ZNF454: variants seen among roughly 807,000 people sequenced by gnomAD.
ZNF454 encodes the protein zinc finger protein 454.
A neutral mutation model predicts 48.2 loss-of-function variants in ZNF454; 30 were observed. That is an observed-to-expected ratio of 0.62 (90% confidence interval 0.47 to 0.84). ZNF454 has a LOEUF of 0.84. ZNF454 is among the 40% of genes least tolerant of loss of function. The pLI, the probability that ZNF454 is intolerant of heterozygous loss-of-function variation, is 0.00. For synonymous variants in ZNF454, 204 were observed against 211.4 expected, an observed-to-expected ratio of 0.97 and a Z score of 0.30; for missense variants, 510 against 623.1, an observed-to-expected ratio of 0.82 and a Z score of 1.93.
the ZNF454 span, among the ~76,000 whole-genome samples, chr5:178,976,870 C>T: frequency 6.6e-6 from 1 of 152,188 alleles, no homozygotes; most frequent in African/African-American, 2.4e-5. Flanking sequence ...GATGTTGATA[C>T]TACAGGTATA....
chr5:178,973,199 C>A, the ZNF454 span, among the ~76,000 whole-genome samples: 1 of 149,188 alleles, frequency 6.7e-6, no homozygotes, highest in African/African-American at 2.5e-5. Flanking sequence ...TTCCTTTCTT[C>A]TGTCAGCTGA....
At chr5:178,976,000 C>T in the ZNF454 span, 2 of 379,712 alleles carry the variant, frequency 5.3e-6, no homozygotes, top group African/African-American at 2.1e-5. Flanking sequence ...ACTCTGCTGC[C>T]TTCCTCACAT....
intron 4 of ZNF454, among the ~76,000 whole-genome samples, chr5:178,960,455 C>G (rs547116092): frequency 1.3e-5 from 2 of 151,372 alleles, no homozygotes; most frequent in African/African-American, 4.8e-5. Context: ...CGGGGTTTCT[C>G]CTTGGTCAGG....
the ZNF454 span, among the ~76,000 whole-genome samples, chr5:178,983,752 G>A: frequency 2.0e-5 from 3 of 152,208 alleles, no homozygotes; most frequent in African/African-American, 7.2e-5. Context: ...GTCTGTGCAG[G>A]CCCTCACAGG....
chr5:178,967,908 T>G (rs28579739), downstream of ZNF454, among the ~76,000 whole-genome samples: 3,213 of 151,680 alleles, frequency 0.021, 105 homozygotes, highest in African/African-American at 0.073. Flanking sequence ...CCCAGCTAAT[T>G]TTTTGTATTT....
At chr5:178,971,925 T>TTTTG in the ZNF454 span, among the ~76,000 whole-genome samples, 41 of 152,026 alleles carry the variant, frequency 2.7e-4, no homozygotes, top group South Asian at 1.2e-3. Context: ...AAGGTTTGTT[T>TTTTG]TTTGTTTGTT....
chr5:178,985,830 T>C, the ZNF454 span: 59 of 535,378 alleles, frequency 1.1e-4, no homozygotes, highest in South Asian at 1.0e-3. Flanking sequence ...GGTGCGATCT[T>C]GGCTCACAGC....
rs968056953 is a variant in ZNF454, at chr5:178,941,898, T to C, written c.-108+454T>C. On this transcript the variant is annotated intron_variant, in intron 1 of 4. Coordinates refer to ENST00000519564, the MANE Select transcript of ZNF454 (RefSeq NM_001178089.3). This position sits in a 1 kb window ranked among gnomAD's most constrained non-coding sequence, Gnocchi z 5.5. ...GAGGCTTCGACAGTGAAGAGCCTTC[T>C]TAGCCTCCTTTCTGAGGAGGAAGAA... Among the ~76,000 whole-genome samples, 4 of 151,996 alleles carry C rather than the reference T, an allele frequency of 2.6e-5. No individual in the cohort carries two copies. The highest frequency in any genetic ancestry group is 5.9e-5 in the Non-Finnish European group (4 of 67,978).
At chr5:178,953,106 T>C (rs754389785) in intron 4 of ZNF454, among the ~76,000 whole-genome samples, 21 of 150,174 alleles carry the variant, frequency 1.4e-4, no homozygotes, top group Non-Finnish European at 2.4e-4. Context: ...GTGACATGTT[T>C]GTGTTGCTAC....
intron 4 of ZNF454, among the ~76,000 whole-genome samples, chr5:178,963,793 A>G (rs1041484905): frequency 6.6e-6 from 1 of 151,736 alleles, no homozygotes; most frequent in Non-Finnish European, 1.5e-5. Context: ...TTTAGTAGAT[A>G]TGAGCATTTC....
chr5:178,972,994 T>TAAAA, the ZNF454 span, among the ~76,000 whole-genome samples: 1 of 135,632 alleles, frequency 7.4e-6, no homozygotes. Flanking sequence ...AGTAAATAGG[T>TAAAA]AAAAAAAAAA....
intron 4 of ZNF454, among the ~76,000 whole-genome samples, chr5:178,959,967 G>C (rs1030358855): frequency 6.6e-5 from 9 of 136,112 alleles, no homozygotes; most frequent in African/African-American, 2.5e-4. Flanking sequence ...TTTGTTTTTT[G>C]AGACAAGTTC....
At chr5:178,971,306 T>C (rs746298311), downstream of ZNF454, among the ~76,000 whole-genome samples, 8 of 152,028 alleles carry the variant, frequency 5.3e-5, no homozygotes, top group Non-Finnish European at 1.2e-4. Context: ...GCCAGGGCCT[T>C]CTTTGGGTGT....
chr5:178,985,656 T>C, the ZNF454 span: 1 of 387,694 alleles, frequency 2.6e-6, no homozygotes, highest in Non-Finnish European at 5.0e-6. Context: ...GGAGCTGAGA[T>C]AGTGCCACTG....
the ZNF454 span, chr5:178,985,702 A>AAG: frequency 5.0e-6 from 1 of 198,400 alleles, no homozygotes; most frequent in South Asian, 3.0e-5. Flanking sequence ...GACTCTGTCT[A>AAG]AAAAAAAAAA....
the ZNF454 span, chr5:178,982,976 G>A: frequency 5.6e-6 from 9 of 1,614,200 alleles, no homozygotes; most frequent in Admixed American, 1.7e-5. Context: ...TGCAGGTGGT[G>A]TACATGGTGA....
In ZNF454 at chr5:178,946,273, A is replaced by C; in HGVS notation, c.34-86A>C. 1.3e-6 allele frequency: 2 copies of C among 1,563,250 alleles called. No individual in the cohort carries two copies. Among genetic ancestry groups the C allele is most frequent in the Non-Finnish European group, 1.7e-6 (2 of 1,158,932 alleles). On this transcript the variant is annotated intron_variant, in intron 2 of 4. Coordinates refer to ENST00000519564, the MANE Select transcript of ZNF454 (RefSeq NM_001178089.3). This position sits in a 1 kb window ranked among gnomAD's most constrained non-coding sequence, Gnocchi z 4.5. ...TGCCAGCAGTCCTGTAAATGCGCAC[A>C]AGCTCCTAGGGGCTGCCAGTCTCTT...
Position 178,941,233 on chromosome 5 carries a change from G to A in ZNF454, c.-319G>A. ...TGCAGACTCCAGCTCATTGTGTTCT[G>A]ACTGCGATGTGGCGCTTGCGATCTC... On this transcript the variant is annotated 5_prime_UTR_variant, in exon 1 of 5. Coordinates refer to ENST00000519564, the MANE Select transcript of ZNF454 (RefSeq NM_001178089.3). This position sits in a 1 kb window ranked among gnomAD's most constrained non-coding sequence, Gnocchi z 5.5. 2.6e-6 allele frequency: 1 copy of A among 387,880 alleles called. No individual in the cohort carries two copies. The highest frequency in any genetic ancestry group is 5.2e-6 in the Non-Finnish European group (1 of 193,172). 24.0% of individuals were successfully genotyped at this position (387,880 alleles called of 1,614,324 possible).
the ZNF454 span, among the ~76,000 whole-genome samples, chr5:178,975,282 A>G: frequency 6.6e-6 from 1 of 152,200 alleles, no homozygotes; most frequent in Non-Finnish European, 1.5e-5. Flanking sequence ...CTCTGTCTCA[A>G]AAACAAAAAA....
Sources: allele counts gnomAD v4.1 joint callset (sites outside exome capture counted in the v4.1 genomes callset), GRCh38; gene constraint gnomAD v4.1.1; non-coding constraint Gnocchi (gnomAD v3.1); transcripts MANE v1.5; gene names NCBI Gene and HGNC (gene_info 2026-07-23, HGNC 2026-07-21).